The following LUC7L3 variants were observed in gnomAD, a reference collection of about 807,000 sequenced individuals.
The protein encoded by LUC7L3 is luc7-like protein 3.
A neutral mutation model predicts 66.8 loss-of-function variants in LUC7L3; 6 were observed. The ratio of observed to expected loss-of-function variants is 0.09; its 90% CI spans 0.05 to 0.18. The LOEUF is 0.18. Among genes scored for constraint, LUC7L3 ranks in the 10% least tolerant of loss-of-function variants. The pLI, the probability that LUC7L3 is intolerant of heterozygous loss-of-function variation, is 1.00. For missense variants in LUC7L3, 341 were observed against 531.1 expected, an observed-to-expected ratio of 0.64 and a Z score of 3.52; for synonymous variants, 160 against 174.7, an observed-to-expected ratio of 0.92 and a Z score of 0.66.
rs1443887287 is a variant in LUC7L3 at position 50,752,658 on chromosome 17, G to A, written c.*1997G>A. Reference sequence around the variant, plus strand: ...TTCTGTTACAAAGTTGATTGTCTCTGTCATTGAAAAGTTTTAGTATTAATC... The same window carrying A: ...TTCTGTTACAAAGTTGATTGTCTCTATCATTGAAAAGTTTTAGTATTAATC... On this transcript the variant is annotated 3_prime_UTR_variant, in exon 10 of 10. Transcript: ENST00000505658. 6.5e-6 allele frequency: 1 copy of A among 152,912 alleles called. No individual in the cohort carries two copies. The highest frequency in any genetic ancestry group is 1.5e-5 in the Non-Finnish European group (1 of 68,414). The allele number at this position is 152,912 out of a possible 1,614,324, so 9.5% of individuals were successfully genotyped here.
chr17:50,739,923 A>G (rs868245354), intron 2 of LUC7L3, among the ~76,000 whole-genome samples: 1 of 152,198 alleles, frequency 6.6e-6, no homozygotes, highest in Non-Finnish European at 1.5e-5. Flanking sequence ...GTCTAGTGCT[A>G]TTTGACTTTA....
At chr17:50,744,521 A>G (rs1970545839) in intron 6 of LUC7L3, 131 bp from the exon 7 acceptor site, 3 of 798,290 alleles carry the variant, frequency 3.8e-6, no homozygotes, top group African/African-American at 1.8e-5. Flanking sequence ...TTGTAGTCCA[A>G]TATTACTGAT....
chr17:50,721,694 G>GATA (rs1419316479), intron 1 of LUC7L3, among the ~76,000 whole-genome samples: 1 of 152,180 alleles, frequency 6.6e-6, no homozygotes, highest in Non-Finnish European at 1.5e-5. Flanking sequence ...GGAAGCTGTT[G>GATA]ATATCGTTTC....
At chr17:50,749,295 C>G in intron 9 of LUC7L3, 2 of 1,289,376 alleles carry the variant, frequency 1.6e-6, no homozygotes, top group Non-Finnish European at 2.0e-6. Context: ...TTGAAGCTAC[C>G]TGTGCACCGG....
chr17:50,720,609 A>G (rs113110488), intron 1 of LUC7L3, among the ~76,000 whole-genome samples: 7 of 152,324 alleles, frequency 4.6e-5, no homozygotes, highest in African/African-American at 1.4e-4. Flanking sequence ...GTTTTGATCT[A>G]GTTTTGAACA....
intron 1 of LUC7L3, among the ~76,000 whole-genome samples, chr17:50,720,424 T>C (rs956927625): frequency 1.3e-5 from 2 of 152,238 alleles, no homozygotes; most frequent in Non-Finnish European, 2.9e-5. Context: ...ATAAAACTCA[T>C]TTGATGCTCT....
At position 50,743,801 on chromosome 17, in the gene LUC7L3, C is replaced by T. The variant is rs375866702; in HGVS notation, c.522C>T (p.Ser174=). ...AAGAAGAGAGAGAACTGCTAAGGTC[C>T]ACAACGTCGGTGAGTAAACCTTATT... ...QLKEERELLR[S]TTSTIESFAA... The change falls in exon 6 of 10, where the codon TCC becomes TCT. Residue 174 remains serine, a synonymous_variant. Coordinates refer to ENST00000505658, the MANE Select transcript of LUC7L3 (RefSeq NM_016424.5). 7 of 1,610,284 alleles carry T rather than the reference C, an allele frequency of 4.3e-6. No homozygotes were observed. The African/African-American group carries it at 6.7e-5, about 15-fold the overall frequency.
intron 1 of LUC7L3, among the ~76,000 whole-genome samples, chr17:50,721,705 C>T (rs1334036611): frequency 1.3e-5 from 2 of 152,126 alleles, no homozygotes; most frequent in Non-Finnish European, 2.9e-5. Context: ...ATATCGTTTC[C>T]GGGTCATCTG....
chr17:50,748,614 A>G (rs1016358279), intron 9 of LUC7L3, among the ~76,000 whole-genome samples: 4 of 151,844 alleles, frequency 2.6e-5, no homozygotes, highest in African/African-American at 9.7e-5. Context: ...GTAAGCCACC[A>G]TGCCTGGCCC....
At chr17:50,740,406 G>A in intron 3 of LUC7L3, 61 bp downstream of exon 3, 1 of 1,445,342 alleles carries the variant, frequency 6.9e-7, no homozygotes, top group Non-Finnish European at 9.6e-7. Flanking sequence ...AGTGGGACAA[G>A]GGTTGAGGAA....
intron 1 of LUC7L3, among the ~76,000 whole-genome samples, chr17:50,728,754 A>G (rs879427884): frequency 6.6e-5 from 10 of 152,274 alleles, no homozygotes; most frequent in Admixed American, 4.6e-4. Flanking sequence ...GCGTTTCGCC[A>G]TTTTGGCCAG....
chr17:50,754,569 C>T lies in LUC7L3; in HGVS notation c.*3908C>T, dbSNP rs1470915610. The T allele has an allele frequency of 2.6e-5, 4 of 152,164 alleles. No individual in the cohort carries two copies. Among genetic ancestry groups the T allele is most frequent in the South Asian group, 2.1e-4 (1 of 4,832 alleles). The allele number at this position is 152,164 out of a possible 1,614,324, so 9.4% of individuals were successfully genotyped here. A position where few individuals can be genotyped will look rare whatever the true frequency, so the allele number is the denominator to read the frequency against. ...TTTTCATTGAGCCTTTCAAGAGGACCGACCAGTCTGCTGCTCAAGACATCC... is the reference window on the plus strand; with the variant it reads ...TTTTCATTGAGCCTTTCAAGAGGACTGACCAGTCTGCTGCTCAAGACATCC... On this transcript the variant is annotated 3_prime_UTR_variant, in exon 10 of 10. Coordinates refer to ENST00000505658, the MANE Select transcript of LUC7L3 (RefSeq NM_016424.5).
intron 1 of LUC7L3, among the ~76,000 whole-genome samples, chr17:50,725,147 C>T (rs1055050794): frequency 6.2e-5 from 9 of 144,948 alleles, no homozygotes; most frequent in Non-Finnish European, 3.0e-5. Context: ...CGGTGGCTCA[C>T]GCCTGTAATC....
At position 50,744,737 on chromosome 17, in the gene LUC7L3, C is replaced by G; in HGVS notation, c.617C>G (p.Ser206Cys). ...TTTTTAATAGTAGGAGATGCCCAGT[C>G]CCGGGTAGATGACCATTTGATGGGA... ...GAFLIVGDAQ[S>C]RVDDHLMGKQ... Residue 206 changes from serine (S) to cysteine (C), a missense_variant, in exon 7 of 10, where the codon TCC becomes TGC. By Grantham distance (112) the Ser-to-Cys change is moderately radical. This residue lies in a region of LUC7L3 where 17 missense variants were observed against 48.2 expected (regional missense o/e 0.35). Transcript: ENST00000505658. The G allele has an allele frequency of 6.2e-7, 1 of 1,614,052 alleles. No homozygotes were observed. The highest frequency in any genetic ancestry group is 1.1e-5 in the South Asian group (1 of 91,086).
intron 9 of LUC7L3, among the ~76,000 whole-genome samples, chr17:50,746,937 G>C (rs1970704035): frequency 6.6e-6 from 1 of 152,114 alleles, no homozygotes; most frequent in South Asian, 2.1e-4. Context: ...TGATAAACCT[G>C]AAGGTTTTTA....
At chr17:50,749,269 A>G (rs1970861963) in intron 9 of LUC7L3, 3 of 1,289,354 alleles carry the variant, frequency 2.3e-6, no homozygotes, top group Non-Finnish European at 3.0e-6. Flanking sequence ...CGGGACAACA[A>G]GACGACTCTT....
At chr17:50,740,442 T>G (rs1272785049) in intron 3 of LUC7L3, 97 bp downstream of exon 3, 1 of 1,181,442 alleles carries the variant, frequency 8.5e-7, no homozygotes, top group Non-Finnish European at 1.2e-6. Context: ...GTAAAATGAG[T>G]GTCTGAGAGA....
chr17:50,745,792 G>A lies in LUC7L3; in HGVS notation c.766G>A (p.Glu256Lys). The A allele has an allele frequency of 6.3e-7, 1 of 1,598,474 alleles. No homozygotes were observed. Among genetic ancestry groups the A allele is most frequent in the Non-Finnish European group, 8.5e-7 (1 of 1,171,730 alleles). Residue 256 changes from glutamate to lysine, a missense_variant, in exon 8 of 10, where the codon GAA (glutamate) becomes AAA (lysine). Transcript: ENST00000505658. ...RLKKEKQERE[E>K]REKERERERE... Reference sequence around the variant, plus strand: ...AAAAAAGGAGAAGCAAGAAAGAGAAGAAAGAGAAAAAGAACGGGAGAGAGA... The same window carrying A: ...AAAAAAGGAGAAGCAAGAAAGAGAAAAAAGAGAAAAAGAACGGGAGAGAGA...
chr17:50,719,981 A>T, intron 1 of LUC7L3, 150 bp downstream of exon 1: 1 of 656,070 alleles, frequency 1.5e-6, no homozygotes, highest in Non-Finnish European at 2.5e-6. Context: ...AGGAGGGAGG[A>T]TGCTGTCCGG....
Sources: gnomAD v4.1 joint callset for allele counts (sites outside exome capture counted in the v4.1 genomes callset) on GRCh38, gnomAD v4.1.1 for gene constraint, gnomAD v4.1.1 regional missense constraint, MANE v1.5 for transcripts, NCBI Gene and HGNC (gene_info 2026-07-23, HGNC 2026-07-21) for gene names.